The following GPR158 variants were observed in gnomAD, a reference collection of about 807,000 sequenced individuals.
The protein encoded by GPR158 is metabotropic glycine receptor.
Under a neutral mutation model 78.2 loss-of-function variants are expected in GPR158, and 30 were observed. The observed-to-expected ratio is 0.38, with a 90% CI of 0.29 to 0.52. The LOEUF is 0.52. Among genes scored for constraint, GPR158 ranks in the 20% least tolerant of loss-of-function variants. The pLI, the probability that GPR158 is intolerant of heterozygous loss-of-function variation, is 0.83. For missense variants in GPR158, 1,463 were observed against 1,523.5 expected, an observed-to-expected ratio of 0.96 and a Z score of 0.66; for synonymous variants, 581 against 591.1, an observed-to-expected ratio of 0.98 and a Z score of 0.25.
intron 3 of GPR158, among the ~76,000 whole-genome samples, chr10:25,399,655 A>G (rs1319892633): frequency 6.6e-6 from 1 of 152,214 alleles, no homozygotes; most frequent in Non-Finnish European, 1.5e-5. Flanking sequence ...GTCAAGTTTC[A>G]TGAAAATCCA....
intron 6 of GPR158, among the ~76,000 whole-genome samples, chr10:25,560,987 G>C (rs1459658690): frequency 6.6e-6 from 1 of 151,918 alleles, no homozygotes. Context: ...GGCTTTTTTA[G>C]ACCACAAAAA....
At chr10:25,307,735 T>A (rs1854701465) in intron 2 of GPR158, among the ~76,000 whole-genome samples, 1 of 152,190 alleles carries the variant, frequency 6.6e-6, no homozygotes, top group South Asian at 2.1e-4. Context: ...TTCTTAGAGT[T>A]CTTCTTTATA....
chr10:25,214,069 A>C (rs916322733), intron 1 of GPR158, among the ~76,000 whole-genome samples: 2 of 150,576 alleles, frequency 1.3e-5, no homozygotes, highest in Admixed American at 1.3e-4. Context: ...ATCTCGGCTC[A>C]CTGCAAGCTC....
chr10:25,372,602 G>T (rs182834640), intron 2 of GPR158, among the ~76,000 whole-genome samples: 9 of 145,304 alleles, frequency 6.2e-5, no homozygotes, highest in African/African-American at 2.0e-4. Flanking sequence ...GTAAACTATC[G>T]CAAGAACAAA....
chr10:25,311,695 G>C (rs1479532837), intron 2 of GPR158, among the ~76,000 whole-genome samples: 1 of 151,860 alleles, frequency 6.6e-6, no homozygotes, highest in Non-Finnish European at 1.5e-5. Context: ...ATATTTTTGA[G>C]TGCCCCAAGA....
At chr10:25,282,572 A>G (rs1854290810) in intron 2 of GPR158, among the ~76,000 whole-genome samples, 1 of 152,174 alleles carries the variant, frequency 6.6e-6, no homozygotes. Flanking sequence ...TAGCTCTATC[A>G]TTCTGTATCC....
intron 2 of GPR158, among the ~76,000 whole-genome samples, chr10:25,230,583 G>A (rs948086200): frequency 3.9e-5 from 6 of 152,082 alleles, no homozygotes; most frequent in African/African-American, 2.4e-5. Flanking sequence ...AAGACTCGTG[G>A]GTGATGTGAT....
At chr10:25,306,814 T>C (rs1160013210) in intron 2 of GPR158, among the ~76,000 whole-genome samples, 1 of 152,184 alleles carries the variant, frequency 6.6e-6, no homozygotes, top group Non-Finnish European at 1.5e-5. Flanking sequence ...TTTATTTCTG[T>C]AGATCTTCAT....
intron 2 of GPR158, among the ~76,000 whole-genome samples, chr10:25,347,824 C>T (rs1482248262): frequency 2.0e-5 from 3 of 151,928 alleles, no homozygotes; most frequent in Non-Finnish European, 1.5e-5. Context: ...GTCGGAGAAG[C>T]TACAGAATAA....
intron 2 of GPR158, among the ~76,000 whole-genome samples, chr10:25,312,812 T>C (rs1854784868): frequency 6.6e-6 from 1 of 152,288 alleles, no homozygotes; most frequent in Admixed American, 6.5e-5. Context: ...CATTTTCTTC[T>C]AGTGGTTACA....
At chr10:25,252,073 A>G (rs1399798845) in intron 2 of GPR158, among the ~76,000 whole-genome samples, 1 of 151,784 alleles carries the variant, frequency 6.6e-6, no homozygotes, top group Non-Finnish European at 1.5e-5. Context: ...TTCATCTTCC[A>G]TTGCTGACAC....
intron 3 of GPR158, among the ~76,000 whole-genome samples, chr10:25,410,874 A>C (rs1033474444): frequency 3.9e-5 from 6 of 152,312 alleles, no homozygotes; most frequent in Admixed American, 3.9e-4. Context: ...TTACTGAGGA[A>C]ACAAAGCAGA....
At chr10:25,223,845 C>A (rs1373655559) in intron 2 of GPR158, among the ~76,000 whole-genome samples, 4 of 152,144 alleles carry the variant, frequency 2.6e-5, no homozygotes, top group African/African-American at 9.7e-5. Context: ...ATTTAACATT[C>A]TTCTCCAGTA....
intron 2 of GPR158, among the ~76,000 whole-genome samples, chr10:25,373,574 T>A (rs896918955): frequency 1.3e-5 from 2 of 151,944 alleles, no homozygotes; most frequent in East Asian, 1.9e-4. Flanking sequence ...ATAAATTTCT[T>A]ATAAGCACAG....
Position 25,533,367 on chromosome 10 carries a change from G to C in GPR158, c.1405-17609G>C, listed in dbSNP as rs1236293141. Among the ~76,000 whole-genome samples, 3 of 152,122 alleles carry C rather than the reference G, an allele frequency of 2.0e-5. No homozygotes were observed. In the East Asian group the frequency reaches 5.8e-4, roughly 29 times the overall value. On this transcript the variant is annotated intron_variant, in intron 5 of 10. Transcript: ENST00000376351. ...TCTCTGCCCTCAATTTACTGAATCA[G>C]TTTCTACAAGAAAAACCTGGACTTA...
intron 7 of GPR158, among the ~76,000 whole-genome samples, chr10:25,579,280 T>C (rs1363047520): frequency 2.0e-5 from 3 of 151,882 alleles, no homozygotes; most frequent in Non-Finnish European, 4.4e-5. Flanking sequence ...CCCCTATGAG[T>C]TTTCTAATTG....
At position 25,338,482 on chromosome 10, in the gene GPR158, A is replaced by T. The variant is rs914161133; in HGVS notation, c.1009-57429A>T. On this transcript the variant is annotated intron_variant, in intron 2 of 10. Coordinates refer to ENST00000376351, the MANE Select transcript of GPR158 (RefSeq NM_020752.3). ...ATATTACGTATATTATACGTATAAT[A>T]TACGTATAATATACGTATATATATT... Among the ~76,000 whole-genome samples the T allele has an allele frequency of 3.0e-5, 4 of 132,460 alleles. No homozygotes were observed. The South Asian group carries it at 8.9e-4, about 29-fold the overall frequency. 86.9% of individuals were successfully genotyped at this position (132,460 alleles called of 152,430 possible). A position where few individuals can be genotyped will look rare whatever the true frequency, so the allele number is the denominator to read the frequency against.
chr10:25,453,618 T>G (rs1258222995), intron 4 of GPR158, among the ~76,000 whole-genome samples: 1 of 152,198 alleles, frequency 6.6e-6, no homozygotes, highest in Non-Finnish European at 1.5e-5. Context: ...TGATGTGAGA[T>G]AAGGATCTGA....
intron 2 of GPR158, among the ~76,000 whole-genome samples, chr10:25,252,000 G>A (rs1270514940): frequency 1.3e-5 from 2 of 151,614 alleles, no homozygotes; most frequent in Non-Finnish European, 3.0e-5. Context: ...TTTCTTGGAG[G>A]CTTTGCTCAT....
Sources: gnomAD v4.1 joint callset for allele counts (sites outside exome capture counted in the v4.1 genomes callset) on GRCh38, gnomAD v4.1.1 for gene constraint, MANE v1.5 for transcripts, NCBI Gene and HGNC (gene_info 2026-07-23, HGNC 2026-07-21) for gene names.